Variants in UBE2E2 observed in about 807,000 individuals in gnomAD.
UBE2E2 encodes ubiquitin conjugating enzyme E2 E2.
UBE2E2 carries 6 observed loss-of-function variants against 24.7 expected under a neutral mutation model. That is an observed-to-expected ratio of 0.24 (90% CI 0.13 to 0.48). The LOEUF (loss-of-function observed/expected upper bound fraction) is 0.48, where lower values mean the gene tolerates loss of function less well. Among genes scored for constraint, UBE2E2 ranks in the 20% least tolerant of loss-of-function variants. The pLI is 0.99. For missense variants in UBE2E2, 169 were observed against 245.0 expected, an observed-to-expected ratio of 0.69 and a Z score of 2.07; for synonymous variants, 104 against 83.6, an observed-to-expected ratio of 1.24 and a Z score of -1.33.
At chr3:23,287,773 C>CT (rs34258354) in intron 3 of UBE2E2, among the ~76,000 whole-genome samples, 33,146 of 138,876 alleles carry the variant, frequency 0.24, 4,423 homozygotes, top group Non-Finnish European at 0.31. Flanking sequence ...ATGTCTCTCT[C>CT]TTTTTTTTTT....
intron 5 of UBE2E2, among the ~76,000 whole-genome samples, chr3:23,581,251 G>A (rs999300628): frequency 7.3e-5 from 11 of 151,662 alleles, no homozygotes; most frequent in African/African-American, 2.7e-4. Flanking sequence ...TAGAGGCGGG[G>A]TCTCGCTATA....
At chr3:23,243,243 A>G (rs1223356542) in intron 3 of UBE2E2, among the ~76,000 whole-genome samples, 1 of 152,228 alleles carries the variant, frequency 6.6e-6, no homozygotes, top group Admixed American at 6.5e-5. Flanking sequence ...CACCTGCTGC[A>G]CTAGAGCCAG....
chr3:23,293,914 A>C (rs1291254861), intron 3 of UBE2E2, among the ~76,000 whole-genome samples: 1 of 152,196 alleles, frequency 6.6e-6, no homozygotes, highest in African/African-American at 2.4e-5. Context: ...CCAGGAGTTT[A>C]AGTCCAACCT....
chr3:23,556,451 AT>A lies in UBE2E2; in HGVS notation c.508+23753del, dbSNP rs760059972. On this transcript the variant is annotated intron_variant, in intron 5 of 5. Coordinates refer to ENST00000396703, the MANE Select transcript of UBE2E2 (RefSeq NM_152653.4). The stretch of plus-strand genomic sequence containing the variant: ...CCACCATGCCCAGCCAATAAAATTT[AT>A]TTAAAAAAAAAAAAAAAAAAGCTAT... Among the ~76,000 whole-genome samples, 8 of 138,944 alleles carry A rather than the reference AT, an allele frequency of 5.8e-5. 1 individual carries two copies. In the East Asian group the frequency reaches 1.7e-3, roughly 30 times the overall value. 91.2% of individuals were successfully genotyped at this position (138,944 alleles called of 152,430 possible).
At chr3:23,539,581 C>T (rs1200969941) in intron 5 of UBE2E2, among the ~76,000 whole-genome samples, 2 of 152,112 alleles carry the variant, frequency 1.3e-5, no homozygotes, top group South Asian at 2.1e-4. Flanking sequence ...TTACTTCTAA[C>T]GCAGGGAGTA....
rs1696327566 is a variant in UBE2E2 at position 23,211,664 on chromosome 3, G to A, written c.176+2789G>A. ...TCCTGCCTTGGTCTCTCAAAGTGTT[G>A]GAATTACAGGCATGAACCACTGTGC... On this transcript the variant is annotated intron_variant, in intron 2 of 5. Coordinates refer to ENST00000396703, the MANE Select transcript of UBE2E2 (RefSeq NM_152653.4). 1.3e-5 allele frequency among the ~76,000 whole-genome samples: 2 copies of A among 151,998 alleles called. 1 individual carries two copies. The highest frequency in any genetic ancestry group is 4.1e-4 in the South Asian group (2 of 4,824).
chr3:23,303,258 A>G (rs535518674), intron 3 of UBE2E2, among the ~76,000 whole-genome samples: 125 of 152,074 alleles, frequency 8.2e-4, no homozygotes, highest in Non-Finnish European at 1.4e-3. Context: ...CACTGATTCT[A>G]CATTATAGTG....
At chr3:23,446,570 T>C (rs372609039) in intron 3 of UBE2E2, among the ~76,000 whole-genome samples, 14 of 152,200 alleles carry the variant, frequency 9.2e-5, no homozygotes, top group South Asian at 2.1e-4. Context: ...TCCCTACTGA[T>C]AGGGACTGAG....
chr3:23,490,877 A>G (rs911653523), intron 3 of UBE2E2, among the ~76,000 whole-genome samples: 6 of 152,178 alleles, frequency 3.9e-5, no homozygotes, highest in Non-Finnish European at 7.4e-5. Context: ...AGCCAAAATC[A>G]TTTTTTTCAT....
At chr3:23,248,563 C>A (rs1320054835) in intron 3 of UBE2E2, among the ~76,000 whole-genome samples, 1 of 152,210 alleles carries the variant, frequency 6.6e-6, no homozygotes, top group East Asian at 1.9e-4. Context: ...AGATCACATG[C>A]ATTTCACTTT....
chr3:23,404,713 A>T (rs1223729836), intron 3 of UBE2E2, among the ~76,000 whole-genome samples: 1 of 152,152 alleles, frequency 6.6e-6, no homozygotes, highest in Non-Finnish European at 1.5e-5. Flanking sequence ...AAAAAGCATG[A>T]TTTTTATGCT....
chr3:23,522,556 T>A (rs900636799), intron 4 of UBE2E2, among the ~76,000 whole-genome samples: 1 of 152,212 alleles, frequency 6.6e-6, no homozygotes, highest in Non-Finnish European at 1.5e-5. Context: ...GAGTTTTGTT[T>A]AATTTCTGAA....
At chr3:23,530,772 A>C (rs572767516) in intron 4 of UBE2E2, among the ~76,000 whole-genome samples, 1 of 152,160 alleles carries the variant, frequency 6.6e-6, no homozygotes, top group Non-Finnish European at 1.5e-5. Flanking sequence ...CTTGCAACAT[A>C]CAGGCCTAAG....
intron 3 of UBE2E2, among the ~76,000 whole-genome samples, chr3:23,380,830 A>G (rs1696650313): frequency 6.6e-6 from 1 of 152,168 alleles, no homozygotes; most frequent in Non-Finnish European, 1.5e-5. Context: ...TTGAGCTGCC[A>G]TGAGATTTAA....
At chr3:23,535,687 G>T (rs1009469412) in intron 5 of UBE2E2, among the ~76,000 whole-genome samples, 10 of 133,622 alleles carry the variant, frequency 7.5e-5, no homozygotes, top group African/African-American at 2.9e-4. Context: ...GCAATGGCAC[G>T]ATCTCAGCTC....
At chr3:23,370,820 A>G (rs1696381583) in intron 3 of UBE2E2, among the ~76,000 whole-genome samples, 1 of 152,212 alleles carries the variant, frequency 6.6e-6, no homozygotes, top group Non-Finnish European at 1.5e-5. Context: ...GGAAGATCCC[A>G]GGAGGAAGGT....
intron 3 of UBE2E2, among the ~76,000 whole-genome samples, chr3:23,228,742 C>G (rs1210769621): frequency 6.6e-6 from 1 of 152,060 alleles, no homozygotes; most frequent in Non-Finnish European, 1.5e-5. Context: ...TAATGAGATG[C>G]CTTTAAGGGT....
rs1290485234 is a variant in UBE2E2 at position 23,268,091 on chromosome 3, G to C, written c.227+50779G>C. On this transcript the variant is annotated intron_variant, in intron 3 of 5. Transcript: ENST00000396703. ...AGAGCTATCTATGACAAACCCACAGGCAATATCATACTGAATGGGCAAAAA... is the reference window on the plus strand; with the variant it reads ...AGAGCTATCTATGACAAACCCACAGCCAATATCATACTGAATGGGCAAAAA... 4.4e-4 allele frequency among the ~76,000 whole-genome samples: 67 copies of C among 151,498 alleles called. 1 individual carries two copies. In the East Asian group the frequency reaches 8.1e-3, roughly 18 times the overall value.
chr3:23,433,104 A>C (rs1198612714), intron 3 of UBE2E2, among the ~76,000 whole-genome samples: 1 of 151,946 alleles, frequency 6.6e-6, no homozygotes, highest in East Asian at 1.9e-4. Flanking sequence ...GGAAAAGTGT[A>C]CCCAGTTGTT....
Sources: gnomAD v4.1 joint callset for allele counts (sites outside exome capture counted in the v4.1 genomes callset) on GRCh38, gnomAD v4.1.1 for gene constraint, MANE v1.5 for transcripts, NCBI Gene and HGNC (gene_info 2026-07-23, HGNC 2026-07-21) for gene names.